NGEF: variants seen among roughly 807,000 people sequenced by gnomAD.
The protein encoded by NGEF is ephexin-1.
In NGEF, 31 loss-of-function variants were observed where a neutral mutation model predicts 80.9. The ratio of observed to expected loss-of-function variants is 0.38; its 90% CI spans 0.29 to 0.52. NGEF has a LOEUF of 0.52. NGEF is among the 20% of genes least tolerant of loss of function. The probability of loss-of-function intolerance (pLI) is 0.84; values close to 1 mark genes in which losing one functional copy is unlikely to be tolerated. For synonymous variants in NGEF, 371 were observed against 370.2 expected, an observed-to-expected ratio of 1.00 and a Z score of -0.03; for missense variants, 709 against 926.2, an observed-to-expected ratio of 0.77 and a Z score of 3.04.
intron 3 of NGEF, among the ~76,000 whole-genome samples, chr2:232,954,195 C>G (rs947656650): frequency 2.0e-5 from 3 of 152,014 alleles, no homozygotes; most frequent in Non-Finnish European, 4.4e-5. Context: ...TCAAGCTGGG[C>G]CCTGGAATCA....
In NGEF at chr2:232,892,394, G is replaced by A. The variant is rs1481952789; in HGVS notation, c.1142+504C>T. Among the ~76,000 whole-genome samples, 2 of 152,150 alleles carry A rather than the reference G, an allele frequency of 1.3e-5. No homozygotes were observed. The highest frequency in any genetic ancestry group is 6.5e-5 in the Admixed American group (1 of 15,278). ...AGTGCGCAGAATTCAGAAGAGGCAC[G>A]CTGGCTGGAAAATTACCTTGTCAAC... On this transcript the variant is annotated intron_variant, in intron 7 of 14. Coordinates refer to ENST00000264051, the MANE Select transcript of NGEF (RefSeq NM_019850.3). This position sits in a 1 kb window ranked among gnomAD's most constrained non-coding sequence, Gnocchi z 4.0.
intron 3 of NGEF, among the ~76,000 whole-genome samples, chr2:232,951,371 G>A (rs1047097026): frequency 3.3e-5 from 5 of 152,082 alleles, no homozygotes; most frequent in East Asian, 1.9e-4. Context: ...CTGATGCTGC[G>A]CACCCACAGA....
At chr2:232,881,285 C>G in intron 13 of NGEF, 35 bp from the exon 14 acceptor site, 1 of 1,534,082 alleles carries the variant, frequency 6.5e-7, no homozygotes, top group Non-Finnish European at 8.9e-7. Context: ...ATCCCCACCA[C>G]CGCACTACCC....
At chr2:233,012,768 T>C (rs1042132042) in intron 1 of NGEF, 3 of 459,560 alleles carry the variant, frequency 6.5e-6, no homozygotes, top group African/African-American at 6.1e-5. Context: ...CCTGCAATTA[T>C]GCAGCCATTC....
intron 1 of NGEF, among the ~76,000 whole-genome samples, chr2:233,003,501 T>C (rs1397736007): frequency 6.6e-6 from 1 of 152,158 alleles, no homozygotes; most frequent in East Asian, 1.9e-4. Context: ...TCCCCTTCCT[T>C]GCTAATATCC....
chr2:232,911,850 G>T (rs1692696781), intron 5 of NGEF, among the ~76,000 whole-genome samples: 1 of 152,200 alleles, frequency 6.6e-6, no homozygotes, highest in African/African-American at 2.4e-5. Context: ...TGTTGGCCTT[G>T]TATCTGGCAA....
chr2:232,893,252 C>T (rs1305819883), intron 6 of NGEF, among the ~76,000 whole-genome samples: 2 of 152,206 alleles, frequency 1.3e-5, no homozygotes, highest in East Asian at 1.9e-4. Flanking sequence ...TGTGTTTTCA[C>T]GGGGCTGATG....
At chr2:232,890,171 GGTCT>G (rs1221575822) in intron 8 of NGEF, among the ~76,000 whole-genome samples, 2 of 141,138 alleles carry the variant, frequency 1.4e-5, no homozygotes, top group African/African-American at 5.1e-5. Flanking sequence ...CCTGATTCTG[GGTCT>G]GTCAGGTGGA....
intron 5 of NGEF, among the ~76,000 whole-genome samples, chr2:232,915,705 T>C (rs1296047506): frequency 6.6e-6 from 1 of 152,144 alleles, no homozygotes; most frequent in East Asian, 1.9e-4. Context: ...ATTTATTTAT[T>C]TTTTCTGAGG....
rs1691925485 is a variant in NGEF, at chr2:232,892,846, G to C, written c.1142+52C>G. The stretch of plus-strand genomic sequence containing the variant: ...AGGAGCCTGGGCCAGCACTGGTATG[G>C]CTGCCCCGGGCACCTCCCCCTGCCC... On this transcript the variant is annotated intron_variant, in intron 7 of 14. Transcript: ENST00000264051. This position sits in a 1 kb window ranked among gnomAD's most constrained non-coding sequence, Gnocchi z 4.0. The C allele has an allele frequency of 2.5e-6, 4 of 1,587,952 alleles. No individual in the cohort carries two copies. In the African/African-American group the frequency reaches 5.4e-5, roughly 21 times the overall value.
Position 233,002,349 on chromosome 2 carries a change from T to C in NGEF, c.-75+10719A>G, listed in dbSNP as rs529207971. Among the ~76,000 whole-genome samples the C allele has an allele frequency of 1.7e-4, 26 of 152,192 alleles. No homozygotes were observed. The East Asian group carries it at 4.8e-3, about 28-fold the overall frequency. On this transcript the variant is annotated intron_variant, in intron 1 of 14. Transcript: ENST00000264051. ...TAATTTAAAGGCAATCTGTAGAAAA[T>C]ATTAATAAGACAGGCAGTACATGGA...
At chr2:233,000,151 A>G (rs1694939482) in intron 1 of NGEF, among the ~76,000 whole-genome samples, 1 of 152,156 alleles carries the variant, frequency 6.6e-6, no homozygotes, top group Admixed American at 6.5e-5. Context: ...GCTGGAGGGC[A>G]GTGGTGCCAT....
chr2:232,998,754 C>T (rs1185188226), intron 1 of NGEF, among the ~76,000 whole-genome samples: 3 of 152,142 alleles, frequency 2.0e-5, no homozygotes, highest in Non-Finnish European at 2.9e-5. Flanking sequence ...AGTCGTCTCT[C>T]TTCTTCTGAT....
intron 3 of NGEF, among the ~76,000 whole-genome samples, chr2:232,939,598 T>A (rs931886971): frequency 6.6e-5 from 10 of 152,238 alleles, no homozygotes; most frequent in Non-Finnish European, 1.2e-4. Flanking sequence ...AAAGCTAGTA[T>A]GTAATATGAA....
At chr2:232,927,471 C>T (rs1693099055) in intron 3 of NGEF, among the ~76,000 whole-genome samples, 1 of 152,184 alleles carries the variant, frequency 6.6e-6, no homozygotes, top group South Asian at 2.1e-4. Context: ...ACTTGGCGCA[C>T]CGTGCCCACT....
chr2:232,920,350 A>G lies in NGEF; in HGVS notation c.762T>C (p.Asp254=). 2 of 1,614,062 alleles carry G rather than the reference A, an allele frequency of 1.2e-6. No individual in the cohort carries two copies. The highest frequency in any genetic ancestry group is 1.7e-6 in the Non-Finnish European group (2 of 1,179,992). The change falls in exon 5 of 15, where the codon GAT becomes GAC. Residue 254 remains aspartate, a synonymous_variant. Transcript: ENST00000264051. The part of the protein sequence containing the change: ...NPHSRFNLWQ[D]LPEIRSSGVL... Reference sequence around the variant, plus strand: ...CCCCGCTGCTCCGGATCTCGGGAAGATCCTGCCAGAGGTTGAACCTTGAGT... The same window carrying G: ...CCCCGCTGCTCCGGATCTCGGGAAGGTCCTGCCAGAGGTTGAACCTTGAGT...
At position 233,009,615 on chromosome 2, in the gene NGEF, A is replaced by G. The variant is rs188065404; in HGVS notation, c.-75+3453T>C. Among the ~76,000 whole-genome samples, 272 of 151,138 alleles carry G rather than the reference A, an allele frequency of 1.8e-3. 3 individuals carry two copies. The East Asian group carries it at 0.019, about 11-fold the overall frequency. On this transcript the variant is annotated intron_variant, in intron 1 of 14. Coordinates refer to ENST00000264051, the MANE Select transcript of NGEF (RefSeq NM_019850.3). ...AGAGTTTGGGATGAGCCTGGGCAAG[A>G]TGGTGAGAACCCATCTCTACAGAAA... is the stretch of plus-strand genomic sequence containing the variant.
At chr2:233,007,289 GC>G (rs1488375689) in intron 1 of NGEF, among the ~76,000 whole-genome samples, 1 of 152,148 alleles carries the variant, frequency 6.6e-6, no homozygotes, top group Non-Finnish European at 1.5e-5. Flanking sequence ...AAAGCAAATA[GC>G]GTTTCTCAAG....
chr2:232,968,949 A>T (rs566794995), intron 3 of NGEF, among the ~76,000 whole-genome samples: 2 of 152,320 alleles, frequency 1.3e-5, no homozygotes, highest in Non-Finnish European at 2.9e-5. Flanking sequence ...CAGATGACAG[A>T]GTAGAAAGCT....
Sources: gnomAD v4.1 joint callset for allele counts (sites outside exome capture counted in the v4.1 genomes callset) on GRCh38, gnomAD v4.1.1 for gene constraint, Gnocchi (gnomAD v3.1) non-coding constraint, MANE v1.5 for transcripts, NCBI Gene and HGNC (gene_info 2026-07-23, HGNC 2026-07-21) for gene names.